Variants in ZNF471 observed in about 807,000 individuals in gnomAD.
ZNF471 encodes the protein zinc finger protein 471, also known as EZFIT-related protein 1.
A neutral mutation model predicts 13.7 loss-of-function variants in ZNF471; 7 were observed. The ratio of observed to expected loss-of-function variants is 0.51; its 90% CI spans 0.29 to 0.96. The LOEUF is 0.96. Among genes scored for constraint, ZNF471 ranks in the 40% least tolerant of loss-of-function variants. The pLI, the probability that ZNF471 is intolerant of heterozygous loss-of-function variation, is 0.08. For synonymous variants in ZNF471, 218 were observed against 235.6 expected (o/e 0.93, Z 0.68); for missense variants, 663 against 743.3 (o/e 0.89, Z 1.26).
chr19:56,525,256 C>G lies in ZNF471; in HGVS notation c.1189C>G (p.His397Asp), dbSNP rs761235888. 2 of 1,611,752 alleles carry G rather than the reference C, an allele frequency of 1.2e-6. No homozygotes were observed. The highest frequency in any genetic ancestry group is 3.3e-5 in the Admixed American group (2 of 59,916). ...AGGACTTATTCTGCATAGGAGAATT[C>G]ATACAGGAGAGAAACCTTACAAATG... ...HIGLILHRRI[H>D]TGEKPYKCGV... Residue 397 changes from histidine to aspartate, a missense_variant, in exon 5 of 5, where the codon CAT becomes GAT. Transcript: ENST00000308031.
At chr19:56,509,230 T>C (rs1041508851) in intron 1 of ZNF471, among the ~76,000 whole-genome samples, 1 of 152,118 alleles carries the variant, frequency 6.6e-6, no homozygotes, top group Non-Finnish European at 1.5e-5. Flanking sequence ...TGATCATCAG[T>C]GGTCAGTGAT....
chr19:56,511,042 G>A (rs889797963), intron 1 of ZNF471: 1 of 984,752 alleles, frequency 1.0e-6, no homozygotes, highest in South Asian at 4.7e-5. Flanking sequence ...TGAAGAAGGA[G>A]GATAACCCTG....
At chr19:56,518,006 G>T (rs2043917521) in intron 3 of ZNF471, among the ~76,000 whole-genome samples, 1 of 151,922 alleles carries the variant, frequency 6.6e-6, no homozygotes, top group South Asian at 2.1e-4. Context: ...CTTCGTTATT[G>T]CAGTGTGAGC....
chr19:56,511,108 T>C (rs199936142), intron 1 of ZNF471: 170 of 772,602 alleles, frequency 2.2e-4, no homozygotes, highest in East Asian at 6.2e-4. Context: ...TTTTTTTTTT[T>C]CCCAAAAACC....
rs2043752695 is a variant in ZNF471, at chr19:56,507,865, C to T, written c.-111C>T. The T allele has an allele frequency of 5.1e-6, 5 of 985,474 alleles. No individual in the cohort carries two copies. The South Asian group carries it at 2.3e-4, about 46-fold the overall frequency. The allele number at this position is 985,474 out of a possible 1,614,324, so 61.0% of individuals were successfully genotyped here. A position where few individuals can be genotyped will look rare whatever the true frequency, so the allele number is the denominator to read the frequency against. The stretch of plus-strand genomic sequence containing the variant: ...GCGCCTGCGCGATGGGGGGTTCCAG[C>T]GTCGACTCACGGAGTCCTTCGGATG... On this transcript the variant is annotated 5_prime_UTR_variant, in exon 1 of 5. Transcript: ENST00000308031.
Position 56,524,500 on chromosome 19 carries a change from GAAAT to G in ZNF471, c.436_439del (p.Ile146SerfsTer27), listed in dbSNP as rs754697126. On this transcript the variant is annotated frameshift_variant, in exon 5 of 5. Transcript: ENST00000308031. LOFTEE classifies it low-confidence loss of function (END_TRUNC). The surrounding 1 kb of genome is among the most constrained non-coding windows in gnomAD (Gnocchi z 4.8). ...AAGTCATGAGATGTTTAGCAAGAAA[GAAAT>G]AATCACTCATAAAGAAACCATCACT... 23 of 1,609,088 alleles carry G rather than the reference GAAAT, an allele frequency of 1.4e-5. No homozygotes were observed. Among genetic ancestry groups the G allele is most frequent in the African/African-American group, 2.7e-5 (2 of 74,540 alleles).
intron 1 of ZNF471, chr19:56,511,101 T>A: frequency 1.1e-6 from 1 of 943,968 alleles, no homozygotes; most frequent in Non-Finnish European, 1.3e-6. Context: ...TTTTGTTTTT[T>A]TTTTTTTCCC....
chr19:56,527,636 C>T lies in ZNF471; in HGVS notation c.*1688C>T, dbSNP rs547168767. On this transcript the variant is annotated 3_prime_UTR_variant, in exon 5 of 5. Coordinates refer to ENST00000308031, the MANE Select transcript of ZNF471 (RefSeq NM_020813.4). ...CCAGTTTAGAGAAGAACATAAATGA[C>T]CTGATGGAGCTGAAAAACACAGCAT... The T allele has an allele frequency of 7.9e-5, 12 of 152,286 alleles. No individual in the cohort carries two copies. The highest frequency in any genetic ancestry group is 2.9e-4 in the African/African-American group (12 of 41,540). The allele number at this position is 152,286 out of a possible 1,614,324, so 9.4% of individuals were successfully genotyped here.
chr19:56,525,833 A>G lies in ZNF471; in HGVS notation c.1766A>G (p.His589Arg), dbSNP rs754253297. 5 of 1,614,218 alleles carry G rather than the reference A, an allele frequency of 3.1e-6. No homozygotes were observed. Among genetic ancestry groups the G allele is most frequent in the Non-Finnish European group, 4.2e-6 (5 of 1,180,030 alleles). Residue 589 changes from histidine to arginine, a missense_variant, in exon 5 of 5, where the codon CAT becomes CGT. Coordinates refer to ENST00000308031, the MANE Select transcript of ZNF471 (RefSeq NM_020813.4). Reference sequence around the variant, plus strand: ...AGTGATAGCTCATCCTGTGCTCAGCATCAAAGACTCCACACTGGCCAAAGG... The same window carrying G: ...AGTGATAGCTCATCCTGTGCTCAGCGTCAAAGACTCCACACTGGCCAAAGG... Reference protein sequence around the residue: ...AFSDSSSCAQHQRLHTGQRPY... With the variant: ...AFSDSSSCAQRQRLHTGQRPY...
At chr19:56,515,316 A>T (rs1326954102) in intron 2 of ZNF471, among the ~76,000 whole-genome samples, 1 of 152,226 alleles carries the variant, frequency 6.6e-6, no homozygotes, top group Non-Finnish European at 1.5e-5. Flanking sequence ...CTCATTTTAT[A>T]AGAATATGTG....
chr19:56,524,416 G>C lies in ZNF471; in HGVS notation c.349G>C (p.Glu117Gln), dbSNP rs771099883. The C allele has an allele frequency of 1.1e-5, 18 of 1,613,758 alleles. No homozygotes were observed. Among genetic ancestry groups the C allele is most frequent in the Non-Finnish European group, 1.5e-5 (18 of 1,179,908 alleles). ...CMEGITSYGL[E>Q]CSTFEENWKW... ...GGAGGGAATTACTAGCTATGGACTT[G>C]AGTGTTCCACTTTTGAAGAAAATTG... Residue 117 changes from glutamate (E) to glutamine (Q), a missense_variant, in exon 5 of 5, where the codon GAG (glutamate) becomes CAG (glutamine). Transcript: ENST00000308031. This position sits in a 1 kb window ranked among gnomAD's most constrained non-coding sequence, Gnocchi z 4.8.
In ZNF471 at chr19:56,526,146, G is replaced by GT; in HGVS notation, c.*199dup. 1.9e-6 allele frequency: 1 copy of GT among 532,154 alleles called. No homozygotes were observed. The highest frequency in any genetic ancestry group is 3.2e-6 in the Non-Finnish European group (1 of 314,674). 33.0% of individuals were successfully genotyped at this position (532,154 alleles called of 1,614,324 possible). On this transcript the variant is annotated 3_prime_UTR_variant, in exon 5 of 5. Transcript: ENST00000308031. ...TCAACGCAGAAGGTGGGTGCTTTCTGTATTTCCAGCTGAGGTACCTGGCTC... is the reference window on the plus strand; with the variant it reads ...TCAACGCAGAAGGTGGGTGCTTTCTGTTATTTCCAGCTGAGGTACCTGGCTC...
chr19:56,524,323 G>T lies in ZNF471; in HGVS notation c.257-1G>T. On this transcript the variant is annotated splice_acceptor_variant, in intron 4 of 4. Transcript: ENST00000308031. LOFTEE classifies it high-confidence loss of function. This position sits in a 1 kb window ranked among gnomAD's most constrained non-coding sequence, Gnocchi z 4.8. ...ATTCACTTTTTTTTAATATCTTTCA[G>T]ATTGGGAATCTATATATGTGACACA... The T allele has an allele frequency of 6.6e-7, 1 of 1,514,374 alleles. No homozygotes were observed. Among genetic ancestry groups the T allele is most frequent in the Non-Finnish European group, 8.8e-7 (1 of 1,134,164 alleles). The allele number at this position is 1,514,374 out of a possible 1,614,324, so 93.8% of individuals were successfully genotyped here.
chr19:56,519,294 C>G (rs1177012609), intron 4 of ZNF471, among the ~76,000 whole-genome samples: 1 of 152,144 alleles, frequency 6.6e-6, no homozygotes, highest in Non-Finnish European at 1.5e-5. Flanking sequence ...GTCAACTTTT[C>G]TGAACTCACC....
At chr19:56,523,770 G>T (rs1568475330) in intron 4 of ZNF471, among the ~76,000 whole-genome samples, 1 of 152,152 alleles carries the variant, frequency 6.6e-6, no homozygotes. Context: ...TATTACCATT[G>T]CAGACTACTT....
In ZNF471 at chr19:56,508,258, A is replaced by G. The variant is rs62123023; in HGVS notation, c.-56+338A>G. 2 of 701,424 alleles carry G rather than the reference A, an allele frequency of 2.9e-6. No homozygotes were observed. The highest frequency in any genetic ancestry group is 3.5e-6 in the Non-Finnish European group (2 of 576,196). 43.5% of individuals were successfully genotyped at this position (701,424 alleles called of 1,614,324 possible). ...GTGTGTGTGTGTGTGTGTGTGACAG[A>G]CCGAGAGTCCAGTGTGAGACCAGGG... On this transcript the variant is annotated intron_variant, in intron 1 of 4. Coordinates refer to ENST00000308031, the MANE Select transcript of ZNF471 (RefSeq NM_020813.4). This position sits in a 1 kb window ranked among gnomAD's most constrained non-coding sequence, Gnocchi z 4.7.
chr19:56,517,829 T>G (rs1261406039), intron 3 of ZNF471, among the ~76,000 whole-genome samples: 1 of 152,234 alleles, frequency 6.6e-6, no homozygotes, highest in African/African-American at 2.4e-5. Flanking sequence ...TAGTGAATTT[T>G]TAAGTTTCAG....
At position 56,510,948 on chromosome 19, in the gene ZNF471, A is replaced by C. The variant is rs1235122055; in HGVS notation, c.-55-569A>C. The C allele has an allele frequency of 1.0e-6, 1 of 985,300 alleles. No individual in the cohort carries two copies. Among genetic ancestry groups the C allele is most frequent in the African/African-American group, 1.8e-5 (1 of 57,038 alleles). The allele number at this position is 985,300 out of a possible 1,614,324, so 61.0% of individuals were successfully genotyped here. Reference sequence around the variant, plus strand: ...GGTGAGAGTGAAAGTGGCAGAATTGAGTGCTAAAGGTTCCATCGTTTCAGG... The same window carrying C: ...GGTGAGAGTGAAAGTGGCAGAATTGCGTGCTAAAGGTTCCATCGTTTCAGG... On this transcript the variant is annotated intron_variant, in intron 1 of 4. Transcript: ENST00000308031. This position sits in a 1 kb window ranked among gnomAD's most constrained non-coding sequence, Gnocchi z 4.3.
Position 56,525,634 on chromosome 19 carries a change from G to A in ZNF471, c.1567G>A (p.Ala523Thr). The change falls in exon 5 of 5, where the codon GCT (alanine) becomes ACT (threonine). Residue 523 changes from alanine to threonine, a missense_variant. Physicochemically the swap from Ala to Thr is moderately conservative, Grantham distance 58 (BLOSUM62 0). Transcript: ENST00000308031. Reference protein sequence around the residue: ...KPYECIECGNAFKQRSHLAQH... With the variant: ...KPYECIECGNTFKQRSHLAQH... Reference sequence around the variant, plus strand: ...TTATGAATGTATTGAATGTGGAAATGCTTTCAAACAGAGATCACACCTTGC... The same window carrying A: ...TTATGAATGTATTGAATGTGGAAATACTTTCAAACAGAGATCACACCTTGC... 1 of 1,614,080 alleles carries A rather than the reference G, an allele frequency of 6.2e-7. No individual in the cohort carries two copies. Among genetic ancestry groups the A allele is most frequent in the Non-Finnish European group, 8.5e-7 (1 of 1,180,020 alleles).
Sources: gnomAD v4.1 joint callset for allele counts (sites outside exome capture counted in the v4.1 genomes callset) on GRCh38, gnomAD v4.1.1 for gene constraint, Gnocchi (gnomAD v3.1) non-coding constraint, MANE v1.5 for transcripts, NCBI Gene and HGNC (gene_info 2026-07-23, HGNC 2026-07-21) for gene names.